The following FBXL13 variants were observed in gnomAD, a reference collection of about 807,000 sequenced individuals.
FBXL13 encodes the protein F-box and leucine-rich repeat protein 13.
Under a neutral mutation model 83.6 loss-of-function variants are expected in FBXL13, and 67 were observed. The observed-to-expected ratio is 0.80, with a 90% confidence interval of 0.66 to 0.98. The LOEUF is 0.98. FBXL13 is among the 50% of genes least tolerant of loss of function. FBXL13 has a pLI of 0.00. For missense variants in FBXL13, 822 were observed against 866.5 expected, an observed-to-expected ratio of 0.95 and a Z score of 0.64; for synonymous variants, 272 against 299.5, an observed-to-expected ratio of 0.91 and a Z score of 0.95.
intron 1 of FBXL13, among the ~76,000 whole-genome samples, chr7:103,057,643 A>T (rs1357465765): frequency 6.6e-6 from 1 of 152,242 alleles, no homozygotes; most frequent in Non-Finnish European, 1.5e-5. Context: ...GACTTGCTGG[A>T]TCTAAGATAC....
At chr7:103,014,914 T>C (rs1427061211) in intron 6 of FBXL13, among the ~76,000 whole-genome samples, 2 of 93,494 alleles carry the variant, frequency 2.1e-5, no homozygotes, top group Admixed American at 1.7e-4. Context: ...ACAGGGAGAC[T>C]CCGTCTCAAA....
intron 10 of FBXL13, among the ~76,000 whole-genome samples, chr7:102,914,952 G>T (rs1284175376): frequency 6.6e-6 from 1 of 152,030 alleles, no homozygotes; most frequent in Admixed American, 6.6e-5. Flanking sequence ...CAATCCTTTA[G>T]CTTTATAATC....
At chr7:102,990,827 T>C (rs1450049056) in intron 6 of FBXL13, among the ~76,000 whole-genome samples, 2 of 152,070 alleles carry the variant, frequency 1.3e-5, no homozygotes, top group African/African-American at 4.8e-5. Context: ...TTGGGTAACA[T>C]GGAGTAACTC....
intron 8 of FBXL13, among the ~76,000 whole-genome samples, chr7:102,937,640 C>G (rs1308923943): frequency 2.6e-5 from 4 of 151,784 alleles, no homozygotes; most frequent in African/African-American, 9.7e-5. Context: ...ATTGCTGATT[C>G]CCATAAATTC....
At chr7:103,062,025 CA>C (rs59881447) in intron 1 of FBXL13, among the ~76,000 whole-genome samples, 29,380 of 99,490 alleles carry the variant, frequency 0.3, 3,110 homozygotes, top group East Asian at 0.49. Context: ...TCATAATTAC[CA>C]AAAAAAAAAA....
At chr7:102,913,256 G>A (rs774992307) in intron 10 of FBXL13, 41 bp from the exon 12 acceptor site, 61 of 1,609,850 alleles carry the variant, frequency 3.8e-5, no homozygotes, top group South Asian at 3.1e-4. Flanking sequence ...TTATACTTCC[G>A]TTGTTCTCTC....
rs556836595 is a variant in FBXL13 at position 103,045,272 on chromosome 7, C to T, written c.-1+10372G>A. ...TGGCCAAGACTCAGCTATTGATACA[C>T]GTGCATACTCCTAGTTAGGTTTTCA... On this transcript the variant is annotated intron_variant, in intron 2 of 19. Coordinates refer to ENST00000313221, the Ensembl canonical transcript of FBXL13. Among the ~76,000 whole-genome samples the T allele has an allele frequency of 1.6e-3, 251 of 152,292 alleles. 1 individual carries two copies. Among genetic ancestry groups the T allele is most frequent in the Middle Eastern group, 3.4e-3 (1 of 294 alleles).
intron 11 of FBXL13, among the ~76,000 whole-genome samples, chr7:102,897,891 G>A (rs2129463420): frequency 6.6e-6 from 1 of 152,294 alleles, no homozygotes; most frequent in Admixed American, 6.5e-5. Flanking sequence ...GAGAAGGAAT[G>A]AATATTTATC....
chr7:103,027,394 C>A, intron 5 of FBXL13, 55 bp downstream of exon 6: 1 of 1,215,970 alleles, frequency 8.2e-7, no homozygotes, highest in Non-Finnish European at 1.2e-6. Flanking sequence ...TTTGAGGCAA[C>A]ATGAATATAA....
At chr7:102,916,811 CTCTT>C (rs1411125360) in intron 10 of FBXL13, among the ~76,000 whole-genome samples, 1 of 151,156 alleles carries the variant, frequency 6.6e-6, no homozygotes, top group Non-Finnish European at 1.5e-5. Flanking sequence ...TGTGAGTCCT[CTCTT>C]TGTGATTTAT....
chr7:103,058,014 C>T (rs1021065251), intron 1 of FBXL13, among the ~76,000 whole-genome samples: 7 of 152,152 alleles, frequency 4.6e-5, no homozygotes, highest in Admixed American at 4.6e-4. Flanking sequence ...TTCTCCCTAC[C>T]TCCATAGGCC....
At position 103,028,597 on chromosome 7, in the gene FBXL13, T is replaced by C; in HGVS notation, c.217+3A>G. 3.2e-6 allele frequency: 5 copies of C among 1,560,644 alleles called. No homozygotes were observed. Among genetic ancestry groups the C allele is most frequent in the East Asian group, 2.3e-5 (1 of 43,226 alleles). ...AAGTAATTGCTACTATGTAAGAATT[T>C]ACTTTTAAGTTTTTCTTTCTGGTCT... is the stretch of plus-strand genomic sequence containing the variant. On this transcript the variant is annotated splice_donor_region_variant and intron_variant, in intron 4 of 19. Transcript: ENST00000313221.
chr7:103,068,743 T>C (rs1227871321), intron 1 of FBXL13, among the ~76,000 whole-genome samples: 2 of 152,064 alleles, frequency 1.3e-5, no homozygotes, highest in Admixed American at 6.5e-5. Flanking sequence ...GGTTAGAAAC[T>C]TGAGGTGCCC....
intron 17 of FBXL13, among the ~76,000 whole-genome samples, chr7:102,837,123 G>A (rs1802122195): frequency 6.6e-6 from 1 of 152,098 alleles, no homozygotes; most frequent in Admixed American, 6.5e-5. Flanking sequence ...TATCTACTTC[G>A]CATATCCCAT....
intron 18 of FBXL13, chr7:102,822,451 G>C: frequency 1.6e-6 from 1 of 622,860 alleles, no homozygotes; most frequent in Non-Finnish European, 3.0e-6. Context: ...CTTCTCACAT[G>C]GCAGAGAGAG....
intron 6 of FBXL13, among the ~76,000 whole-genome samples, chr7:103,024,540 A>G (rs1449198323): frequency 6.6e-6 from 1 of 150,674 alleles, no homozygotes; most frequent in Non-Finnish European, 1.5e-5. Context: ...AAAAAAAAAA[A>G]AAAAAAAAAA....
intron 11 of FBXL13, among the ~76,000 whole-genome samples, chr7:102,905,555 T>C (rs951261542): frequency 6.6e-6 from 1 of 152,222 alleles, no homozygotes; most frequent in Non-Finnish European, 1.5e-5. Context: ...TCTTGTTTTT[T>C]CATCCATTCA....
At chr7:102,979,414 C>A (rs1007216638) in intron 6 of FBXL13, among the ~76,000 whole-genome samples, 2 of 152,128 alleles carry the variant, frequency 1.3e-5, no homozygotes, top group African/African-American at 4.8e-5. Context: ...CCCAGATAAT[C>A]CAGGATAATC....
At chr7:103,015,140 A>T (rs1027659549) in intron 6 of FBXL13, among the ~76,000 whole-genome samples, 2 of 152,096 alleles carry the variant, frequency 1.3e-5, no homozygotes, top group African/African-American at 4.8e-5. Flanking sequence ...ATAAAATTCA[A>T]CATCTCTTCA....
Sources: gnomAD v4.1 joint callset for allele counts (sites outside exome capture counted in the v4.1 genomes callset) on GRCh38, gnomAD v4.1.1 for gene constraint, MANE v1.5 for transcripts, NCBI Gene and HGNC (gene_info 2026-07-23, HGNC 2026-07-21) for gene names.